Variants in P2RX5 observed in about 807,000 individuals in gnomAD.
P2RX5 encodes the protein P2X purinoceptor 5.
In P2RX5, 46 loss-of-function variants were observed where a neutral mutation model predicts 54.1. That is an observed-to-expected ratio of 0.85 (90% CI 0.67 to 1.09). The LOEUF is 1.09. Among genes scored for constraint, P2RX5 ranks in the 50% least tolerant of loss-of-function variants. The pLI is 0.00. For synonymous variants in P2RX5, 226 were observed against 226.4 expected (o/e 1.00, Z 0.02); for missense variants, 566 against 549.8 (o/e 1.03, Z -0.29).
In P2RX5 at chr17:3,679,660, C is replaced by T. The variant is rs61748727; in HGVS notation, c.1189G>A (p.Glu397Lys). 7.4e-3 allele frequency: 11,996 copies of T among 1,611,070 alleles called. 138 individuals are homozygous for T. The highest frequency in any genetic ancestry group is 0.04 in the East Asian group (1,801 of 44,888). ...PEQQELQEPP[E>K]AKRGSSSQKG... ...TGACTGCTGCTTCCACGCTTCGCCT[C>T]GGGTGGCTCCTGCAGCTCCTGCTGC... Residue 397 changes from glutamate (E) to lysine (K), a missense_variant, in exon 11 of 12, where the codon GAG becomes AAG. Transcript: ENST00000225328.
the P2RX5 span, among the ~76,000 whole-genome samples, chr17:3,719,234 T>TAAAAAAAAAAAAAAAA: frequency 1.2e-3 from 42 of 34,444 alleles, 2 homozygotes; most frequent in African/African-American, 4.8e-3. Context: ...AGATTCTTCC[T>TAAAAAAAAAAAAAAAA]CAAAAAAAAA....
At chr17:3,690,007 G>T in intron 6 of P2RX5, 63 bp downstream of exon 6, 1 of 1,439,294 alleles carries the variant, frequency 6.9e-7, no homozygotes, top group Non-Finnish European at 9.8e-7. Flanking sequence ...CCCACGGAGG[G>T]CCAGCCAAGG....
At chr17:3,679,082 A>G (rs1380493988) in intron 11 of P2RX5, among the ~76,000 whole-genome samples, 1 of 152,198 alleles carries the variant, frequency 6.6e-6, no homozygotes, top group African/African-American at 2.4e-5. Context: ...CTGAGCACAG[A>G]GACGTTCGGC....
chr17:3,678,406 C>A, intron 11 of P2RX5, among the ~76,000 whole-genome samples: 1 of 152,252 alleles, frequency 6.6e-6, no homozygotes, highest in South Asian at 2.1e-4. Context: ...CCACAAGCCT[C>A]AGCGAGGCTC....
rs112678798 is a variant in P2RX5 at position 3,684,283 on chromosome 17, T to C, written c.982-2305A>G. On this transcript the variant is annotated intron_variant, in intron 9 of 11. Transcript: ENST00000225328. ...AGGGGAGGGTGCCCCTAACATCTAGTGGGTAGAAACCGGGAATGCTCTTAA... is the reference window on the plus strand; with the variant it reads ...AGGGGAGGGTGCCCCTAACATCTAGCGGGTAGAAACCGGGAATGCTCTTAA... 3.9e-5 allele frequency among the ~76,000 whole-genome samples: 6 copies of C among 152,294 alleles called. 1 individual carries two copies. Among genetic ancestry groups the C allele is most frequent in the African/African-American group, 1.4e-4 (6 of 41,562 alleles).
chr17:3,676,807 A>G (rs2050115476), intron 11 of P2RX5, among the ~76,000 whole-genome samples: 2 of 152,368 alleles, frequency 1.3e-5, no homozygotes, highest in Non-Finnish European at 1.5e-5. Flanking sequence ...CACGCATGTA[A>G]TCCCAGCACT....
chr17:3,676,390 A>T, intron 11 of P2RX5: 1 of 985,370 alleles, frequency 1.0e-6, no homozygotes, highest in Non-Finnish European at 1.2e-6. Flanking sequence ...CTGCATTAGT[A>T]ACACTGGCTG....
At chr17:3,685,449 C>T (rs1351901529) in intron 9 of P2RX5, 1 of 154,106 alleles carries the variant, frequency 6.5e-6, no homozygotes, top group Non-Finnish European at 1.5e-5. Context: ...ACAGCAGCCT[C>T]CCCCTCCCTG....
chr17:3,690,477 GC>G lies in P2RX5; in HGVS notation c.482del (p.Gly161AlafsTer22). Reference sequence around the variant, plus strand: ...GGCACCAGGCAAAGATCTCACAGGTGCCCCTGGCCAAGTTCTCTCTCCGCAG... The same window carrying G: ...GGCACCAGGCAAAGATCTCACAGGTGCCCTGGCCAAGTTCTCTCTCCGCAG... ...RCLRRENLARGTCEIFAWCPL... is the reference protein window; with the variant it reads ...RCLRRENLARXTCEIFAWCPL... On this transcript the variant is annotated frameshift_variant, in exon 5 of 12. Coordinates refer to ENST00000225328, the MANE Select transcript of P2RX5 (RefSeq NM_002561.4). LOFTEE classifies it high-confidence loss of function. The G allele has an allele frequency of 5.6e-6, 9 of 1,613,388 alleles. No homozygotes were observed. The highest frequency in any genetic ancestry group is 7.6e-6 in the Non-Finnish European group (9 of 1,179,888).
At chr17:3,685,058 C>T (rs2050401352) in intron 9 of P2RX5, among the ~76,000 whole-genome samples, 2 of 152,054 alleles carry the variant, frequency 1.3e-5, no homozygotes, top group Non-Finnish European at 2.9e-5. Context: ...GTTGGTCAGG[C>T]TGGTCTCGAA....
intron 1 of P2RX5, among the ~76,000 whole-genome samples, chr17:3,695,573 C>T (rs2050734207): frequency 1.3e-5 from 2 of 152,250 alleles, no homozygotes; most frequent in Middle Eastern, 3.4e-3. Flanking sequence ...ACGTGGGGAC[C>T]CGACTCTGGG....
At chr17:3,676,686 A>C in intron 11 of P2RX5, 2 of 487,126 alleles carry the variant, frequency 4.1e-6, no homozygotes, top group Non-Finnish European at 5.2e-6. Flanking sequence ...TCTTGTTGAA[A>C]CACAGGTTCT....
rs773428595 is a variant in P2RX5, at chr17:3,695,919, C to G, written c.87G>C (p.Val29=). Residue 29 remains valine (V), a synonymous_variant, in exon 1 of 12, where the codon GTG becomes GTC. Coordinates refer to ENST00000225328, the MANE Select transcript of P2RX5 (RefSeq NM_002561.4). Reference sequence around the variant, plus strand: ...CCTGCAGCAGCCGGTACAGCAGGCCCACCTTCTTGTTCTTGGCGATGACAT... The same window carrying G: ...CCTGCAGCAGCCGGTACAGCAGGCCGACCTTCTTGTTCTTGGCGATGACAT... ...EKYVIAKNKK[V]GLLYRLLQAS... is the part of the protein sequence containing the mutation. The G allele has an allele frequency of 6.2e-7, 1 of 1,614,190 alleles. No individual in the cohort carries two copies. The highest frequency in any genetic ancestry group is 8.5e-7 in the Non-Finnish European group (1 of 1,180,004).
chr17:3,711,923 A>C, the P2RX5 span, among the ~76,000 whole-genome samples: 1 of 135,696 alleles, frequency 7.4e-6, no homozygotes, highest in Non-Finnish European at 1.6e-5. Context: ...CTTCCTCCTC[A>C]TTAAGTAGTT....
At chr17:3,710,138 T>A in the P2RX5 span, among the ~76,000 whole-genome samples, 4 of 151,840 alleles carry the variant, frequency 2.6e-5, no homozygotes, top group East Asian at 2.0e-4. Context: ...TATTTAAGAC[T>A]GCAGGAGGCC....
At chr17:3,701,712 A>T in the P2RX5 span, among the ~76,000 whole-genome samples, 2 of 148,776 alleles carry the variant, frequency 1.3e-5, no homozygotes, top group Non-Finnish European at 3.0e-5. Context: ...AAAAAAAAAA[A>T]AAAAAAAGGA....
the P2RX5 span, among the ~76,000 whole-genome samples, chr17:3,715,902 A>C: frequency 6.6e-6 from 1 of 151,906 alleles, no homozygotes; most frequent in Non-Finnish European, 1.5e-5. Context: ...CATGACTGTA[A>C]TCCCAGAACT....
the P2RX5 span, among the ~76,000 whole-genome samples, chr17:3,706,047 T>C: frequency 0.87 from 132,078 of 151,922 alleles, 60,441 homozygotes; most frequent in East Asian, 1. Flanking sequence ...CTCTGTCTCC[T>C]GGGTTCAAGT....
the P2RX5 span, among the ~76,000 whole-genome samples, chr17:3,703,421 G>A: frequency 6.6e-6 from 1 of 152,138 alleles, no homozygotes; most frequent in Non-Finnish European, 1.5e-5. Flanking sequence ...CCAGCTCCTT[G>A]GGAGGCTGAG....
Sources: gnomAD v4.1 joint callset for allele counts (sites outside exome capture counted in the v4.1 genomes callset) on GRCh38, gnomAD v4.1.1 for gene constraint, MANE v1.5 for transcripts, NCBI Gene and HGNC (gene_info 2026-07-23, HGNC 2026-07-21) for gene names.